PCDHA13: variants seen among roughly 807,000 people sequenced by gnomAD.
PCDHA13 encodes the protein protocadherin alpha-13.
PCDHA13 carries 54 observed loss-of-function variants against 64.8 expected under a neutral mutation model. That is an observed-to-expected ratio of 0.83 (90% confidence interval 0.67 to 1.04). The LOEUF (loss-of-function observed/expected upper bound fraction) is 1.04, where lower values mean the gene tolerates loss of function less well. Ranked by LOEUF, PCDHA13 falls within the 50% of genes least tolerant of loss-of-function variation. The pLI is 0.00. For synonymous variants in PCDHA13, 587 were observed against 564.4 expected, an observed-to-expected ratio of 1.04 and a Z score of -0.57; for missense variants, 1,248 against 1,254.3, an observed-to-expected ratio of 0.99 and a Z score of 0.08.
At chr5:140,943,974 T>G (rs1356208474) in intron 1 of PCDHA13, among the ~76,000 whole-genome samples, 2 of 152,022 alleles carry the variant, frequency 1.3e-5, no homozygotes, top group African/African-American at 4.8e-5. Flanking sequence ...TTAAAGTAAT[T>G]AAGAAAACAG....
At chr5:140,956,629 G>A (rs1554222520) in intron 1 of PCDHA13, among the ~76,000 whole-genome samples, 1 of 152,060 alleles carries the variant, frequency 6.6e-6, no homozygotes, top group Non-Finnish European at 1.5e-5. Flanking sequence ...TTGCATCTCT[G>A]CCAGGTTTTG....
rs200253752 is a variant in PCDHA13, at chr5:140,890,259, T to TA, written c.2394+5597_2394+5598insA. ...TTTACCAGTACACTACTGCACCTGA[T>TA]TGCAAGCAAGAACCACTCAGTTGAG... On this transcript the variant is annotated intron_variant, in intron 1 of 3. Coordinates refer to ENST00000289272, the MANE Select transcript of PCDHA13 (RefSeq NM_018904.3). Among the ~76,000 whole-genome samples the TA allele has an allele frequency of 8.0e-3, 1,219 of 152,258 alleles. 6 individuals carry two copies. Among genetic ancestry groups the TA allele is most frequent in the African/African-American group, 0.019 (787 of 41,546 alleles).
chr5:140,955,832 G>A (rs2095230258), intron 1 of PCDHA13, among the ~76,000 whole-genome samples: 1 of 152,132 alleles, frequency 6.6e-6, no homozygotes, highest in South Asian at 2.1e-4. Flanking sequence ...TTGAGCAGTG[G>A]TTTGTCATTC....
chr5:140,948,267 A>C (rs964252489), intron 1 of PCDHA13, among the ~76,000 whole-genome samples: 1 of 151,646 alleles, frequency 6.6e-6, no homozygotes, highest in South Asian at 2.1e-4. Context: ...GTGTTCATGT[A>C]GAATATCTGT....
At chr5:140,975,486 A>G (rs1260336572) in intron 1 of PCDHA13, among the ~76,000 whole-genome samples, 4 of 152,228 alleles carry the variant, frequency 2.6e-5, no homozygotes, top group African/African-American at 4.8e-5. Flanking sequence ...GTTTATATCA[A>G]TGTTCATAAA....
intron 1 of PCDHA13, among the ~76,000 whole-genome samples, chr5:140,951,327 C>T (rs782778063): frequency 5.3e-5 from 8 of 152,026 alleles, no homozygotes; most frequent in Non-Finnish European, 8.8e-5. Context: ...TGAGATTCAT[C>T]ATTCTGTTTG....
chr5:140,959,300 C>T (rs887685405), intron 1 of PCDHA13, among the ~76,000 whole-genome samples: 11 of 151,854 alleles, frequency 7.2e-5, no homozygotes, highest in African/African-American at 2.7e-4. Flanking sequence ...TCACTGAGCC[C>T]GGTGGTTGAA....
Position 140,919,359 on chromosome 5 carries a change from G to A in PCDHA13, c.2394+34697G>A, listed in dbSNP as rs188480486. Among the ~76,000 whole-genome samples, 421 of 152,262 alleles carry A rather than the reference G, an allele frequency of 2.8e-3. 2 individuals carry two copies. The highest frequency in any genetic ancestry group is 0.014 in the Middle Eastern group (4 of 294). ...TGTTTGTATCTTTGAATCTAAAAGTGTCTCCTGCAGACAACACATAGTTGG... is the reference window on the plus strand; with the variant it reads ...TGTTTGTATCTTTGAATCTAAAAGTATCTCCTGCAGACAACACATAGTTGG... On this transcript the variant is annotated intron_variant, in intron 1 of 3. Coordinates refer to ENST00000289272, the MANE Select transcript of PCDHA13 (RefSeq NM_018904.3).
intron 1 of PCDHA13, among the ~76,000 whole-genome samples, chr5:140,894,303 A>G (rs1386163832): frequency 2.0e-5 from 3 of 151,922 alleles, no homozygotes; most frequent in Admixed American, 6.6e-5. Context: ...TTTCCTGGAA[A>G]GTTTTCTTAA....
At chr5:140,999,321 A>G (rs1043394227) in intron 3 of PCDHA13, among the ~76,000 whole-genome samples, 32 of 152,198 alleles carry the variant, frequency 2.1e-4, no homozygotes, top group Non-Finnish European at 3.2e-4. Context: ...ACAGACATTG[A>G]TCTGTGTGAT....
chr5:140,970,373 C>T (rs1554232421), intron 1 of PCDHA13, among the ~76,000 whole-genome samples: 2 of 152,250 alleles, frequency 1.3e-5, no homozygotes, highest in East Asian at 1.9e-4. Context: ...GCTATAGCTT[C>T]AAAAGGCTGG....
intron 1 of PCDHA13, among the ~76,000 whole-genome samples, chr5:140,933,309 A>G (rs183796217): frequency 4.7e-4 from 72 of 152,092 alleles, no homozygotes; most frequent in Middle Eastern, 6.8e-3. Context: ...TAAATATGCA[A>G]TCTCGTATTC....
chr5:140,974,419 C>T (rs998974699), intron 1 of PCDHA13, among the ~76,000 whole-genome samples: 1 of 152,208 alleles, frequency 6.6e-6, no homozygotes, highest in African/African-American at 2.4e-5. Flanking sequence ...GTTTATTTTA[C>T]TTTCCTGGTT....
intron 1 of PCDHA13, among the ~76,000 whole-genome samples, chr5:140,889,199 T>C (rs1399579598): frequency 1.3e-5 from 2 of 151,896 alleles, no homozygotes; most frequent in African/African-American, 4.8e-5. Context: ...ATAACTTGAA[T>C]ACTTAACAAA....
At chr5:140,985,739 C>CTTTTTT (rs11372071) in intron 3 of PCDHA13, among the ~76,000 whole-genome samples, 3 of 117,922 alleles carry the variant, frequency 2.5e-5, no homozygotes, top group Non-Finnish European at 1.7e-5. Context: ...TGATGAATTC[C>CTTTTTT]TTTTTTTTTT....
At chr5:140,946,705 T>A (rs246053) in intron 1 of PCDHA13, among the ~76,000 whole-genome samples, 81,982 of 146,914 alleles carry the variant, frequency 0.56, 23,474 homozygotes, top group African/African-American at 0.69. Context: ...AATCTGGAGG[T>A]CATTATGTTT....
intron 1 of PCDHA13, among the ~76,000 whole-genome samples, chr5:140,890,477 C>G (rs1255992157): frequency 6.6e-6 from 1 of 151,926 alleles, no homozygotes; most frequent in African/African-American, 2.4e-5. Context: ...ATTTTTTGTG[C>G]GTTATTTTTG....
In PCDHA13 at chr5:141,011,945, A is replaced by G. The variant is rs1588262929; in HGVS notation, c.*2008A>G. On this transcript the variant is annotated 3_prime_UTR_variant, in exon 4 of 4. Transcript: ENST00000289272. ...AGGTAGGAGTCTGTTATTTAAAAAAAGCATTAAATTTAAAAAAAAACTGTC... is the reference window on the plus strand; with the variant it reads ...AGGTAGGAGTCTGTTATTTAAAAAAGGCATTAAATTTAAAAAAAAACTGTC... 6.5e-6 allele frequency: 1 copy of G among 153,752 alleles called. No individual in the cohort carries two copies. The highest frequency in any genetic ancestry group is 1.5e-5 in the Non-Finnish European group (1 of 68,044). The allele number at this position is 153,752 out of a possible 1,614,324, so 9.5% of individuals were successfully genotyped here. A position where few individuals can be genotyped will look rare whatever the true frequency, so the allele number is the denominator to read the frequency against.
chr5:140,965,260 G>A (rs1188138728), intron 1 of PCDHA13, among the ~76,000 whole-genome samples: 1 of 152,202 alleles, frequency 6.6e-6, no homozygotes, highest in Non-Finnish European at 1.5e-5. Context: ...GAACTGAGCA[G>A]CAGAGGCAAT....
Sources: gnomAD v4.1 joint callset for allele counts (sites outside exome capture counted in the v4.1 genomes callset) on GRCh38, gnomAD v4.1.1 for gene constraint, MANE v1.5 for transcripts, NCBI Gene and HGNC (gene_info 2026-07-23, HGNC 2026-07-21) for gene names.